NFATC1: variants seen among roughly 807,000 people sequenced by gnomAD.
NFATC1 encodes nuclear factor of activated T-cells, cytoplasmic 1.
In NFATC1, 22 loss-of-function variants were observed where a neutral mutation model predicts 76.0. The ratio of observed to expected loss-of-function variants is 0.29; its 90% CI spans 0.21 to 0.41. The LOEUF (loss-of-function observed/expected upper bound fraction) is 0.41, where lower values mean the gene tolerates loss of function less well. Among genes scored for constraint, NFATC1 ranks in the 10% least tolerant of loss-of-function variants. The pLI, the probability that NFATC1 is intolerant of heterozygous loss-of-function variation, is 1.00. For missense variants in NFATC1, 1,357 were observed against 1,337.7 expected (o/e 1.01, Z -0.23); for synonymous variants, 704 against 613.1 (o/e 1.15, Z -2.19).
chr18:79,411,622 T>C (rs1239381872), intron 2 of NFATC1, 121 bp downstream of exon 2: 16 of 811,336 alleles, frequency 2.0e-5, no homozygotes, highest in Non-Finnish European at 2.5e-5. Flanking sequence ...AGTCAGGACC[T>C]GGGTGGGCAG....
At chr18:79,469,913 G>A in intron 8 of NFATC1, 1 of 985,486 alleles carries the variant, frequency 1.0e-6, no homozygotes, top group Non-Finnish European at 1.2e-6. Flanking sequence ...CTCAGGCAGA[G>A]CCCCCAGGCT....
chr18:79,431,721 T>C (rs929639265), intron 2 of NFATC1, among the ~76,000 whole-genome samples: 17 of 151,974 alleles, frequency 1.1e-4, no homozygotes, highest in African/African-American at 3.9e-4. Flanking sequence ...TGTTTTTTTT[T>C]AGATGGAGTC....
intron 2 of NFATC1, among the ~76,000 whole-genome samples, chr18:79,425,179 C>CTCTGTGTCTG (rs1555902933): frequency 2.1e-5 from 3 of 143,144 alleles, no homozygotes; most frequent in Non-Finnish European, 4.6e-5. Context: ...CCATCTGTCT[C>CTCTGTGTCTG]TCTGTCTCTG....
chr18:79,463,755 CT>C (rs1568993226), intron 7 of NFATC1, among the ~76,000 whole-genome samples: 1 of 152,128 alleles, frequency 6.6e-6, no homozygotes. Flanking sequence ...TGGCCTCGTG[CT>C]GCCTACCCTC....
intron 1 of NFATC1, among the ~76,000 whole-genome samples, chr18:79,405,952 A>AACGTCAAGGGCT (rs1407893270): frequency 6.6e-6 from 1 of 152,036 alleles, no homozygotes; most frequent in African/African-American, 2.4e-5. Context: ...CCGTCACAGA[A>AACGTCAAGGGCT]ACGTCAAGGG....
At chr18:79,515,518 G>A (rs780913547) in intron 9 of NFATC1, among the ~76,000 whole-genome samples, 17 of 152,028 alleles carry the variant, frequency 1.1e-4, no homozygotes, top group Non-Finnish European at 2.4e-4. Flanking sequence ...CAGCCTGGCC[G>A]GGGACCAGGG....
rs554066200 is a variant in NFATC1 at position 79,436,575 on chromosome 18, C to G, written c.1386+2837C>G. Among the ~76,000 whole-genome samples the G allele has an allele frequency of 4.3e-3, 659 of 152,346 alleles. 4 individuals are homozygous for G. The highest frequency in any genetic ancestry group is 0.015 in the African/African-American group (634 of 41,586). ...CCCACGCCCGCTGTCTCCGTCCTCCCCATCCCCATGTGTTTCGCAGTTGGG... is the reference window on the plus strand; with the variant it reads ...CCCACGCCCGCTGTCTCCGTCCTCCGCATCCCCATGTGTTTCGCAGTTGGG... On this transcript the variant is annotated intron_variant, in intron 3 of 9. Coordinates refer to ENST00000427363, the MANE Select transcript of NFATC1 (RefSeq NM_001278669.2).
In NFATC1 at chr18:79,411,163, C is replaced by G; in HGVS notation, c.888C>G (p.Thr296=). 6.2e-7 allele frequency: 1 copy of G among 1,612,294 alleles called. No individual in the cohort carries two copies. The highest frequency in any genetic ancestry group is 1.6e-4 in the Middle Eastern group (1 of 6,062). The change falls in exon 2 of 10, where the codon ACC becomes ACG. Residue 296 remains threonine (T), a synonymous_variant. Transcript: ENST00000427363. ...SPHGSPRVSV[T]DDSWLGNTTQ... ...ACGGCTCCCCGCGGGTCAGCGTGAC[C>G]GACGACTCGTGGTTGGGCAACACCA... is the stretch of plus-strand genomic sequence containing the variant.
At chr18:79,506,078 G>A (rs1426204997) in intron 9 of NFATC1, among the ~76,000 whole-genome samples, 1 of 152,178 alleles carries the variant, frequency 6.6e-6, no homozygotes. Flanking sequence ...TGTGTGTTTA[G>A]GGAGGGGCTG....
At chr18:79,451,405 C>T (rs2087467736) in intron 5 of NFATC1, among the ~76,000 whole-genome samples, 1 of 152,252 alleles carries the variant, frequency 6.6e-6, no homozygotes, top group Admixed American at 6.5e-5. Flanking sequence ...CTGACCTTTG[C>T]GTATTTGTGC....
At chr18:79,408,285 A>C (rs996509436) in intron 1 of NFATC1, among the ~76,000 whole-genome samples, 1 of 152,208 alleles carries the variant, frequency 6.6e-6, no homozygotes, top group Non-Finnish European at 1.5e-5. Context: ...TTGCACCAGG[A>C]GATGAATATA....
In NFATC1 at chr18:79,524,625, G is replaced by A. The variant is rs1318957190; in HGVS notation, c.2783-2903G>A. Among the ~76,000 whole-genome samples, 1 of 152,128 alleles carries A rather than the reference G, an allele frequency of 6.6e-6. No individual in the cohort carries two copies. The highest frequency in any genetic ancestry group is 1.5e-5 in the Non-Finnish European group (1 of 68,004). On this transcript the variant is annotated intron_variant, in intron 9 of 9. Transcript: ENST00000427363. This position sits in a 1 kb window ranked among gnomAD's most constrained non-coding sequence, Gnocchi z 7.2. ...GGTGCAGGCTGCCGCTGGCTCCTTA[G>A]GCCTCGACAGCTCTCTTGAGGTCGG...
At chr18:79,429,760 A>G (rs772932874) in intron 2 of NFATC1, among the ~76,000 whole-genome samples, 4 of 152,226 alleles carry the variant, frequency 2.6e-5, no homozygotes, top group Non-Finnish European at 5.9e-5. Context: ...CTGGATTATG[A>G]TATTTATTTT....
intron 6 of NFATC1, among the ~76,000 whole-genome samples, chr18:79,453,344 G>A (rs984933783): frequency 3.9e-5 from 6 of 152,230 alleles, no homozygotes; most frequent in African/African-American, 9.6e-5. Context: ...AATGCAGTCC[G>A]CAGAGGTGCC....
Position 79,426,886 on chromosome 18 carries a change from C to G in NFATC1, c.1227-6693C>G, listed in dbSNP as rs545298364. Among the ~76,000 whole-genome samples the G allele has an allele frequency of 3.1e-4, 48 of 152,392 alleles. 1 individual carries two copies. Among genetic ancestry groups the G allele is most frequent in the African/African-American group, 1.1e-3 (47 of 41,598 alleles). On this transcript the variant is annotated intron_variant, in intron 2 of 9. Coordinates refer to ENST00000427363, the MANE Select transcript of NFATC1 (RefSeq NM_001278669.2). ...AGGAGGAGGATCCTGCCGGGAGCGC[C>G]TTGCATTTTGCCTAGGACCTTCTTA...
At chr18:79,468,037 T>A in intron 8 of NFATC1, 1 of 976,130 alleles carries the variant, frequency 1.0e-6, no homozygotes, top group Non-Finnish European at 1.2e-6. Context: ...GTGAATGAGC[T>A]TTGTGCTGGG....
intron 2 of NFATC1, chr18:79,422,282 T>TAA (rs1300869283): frequency 5.2e-5 from 8 of 152,458 alleles, no homozygotes; most frequent in African/African-American, 1.9e-4. Flanking sequence ...TTTTGTTTTA[T>TAA]AAGCCATCCA....
At position 79,396,367 on chromosome 18, in the gene NFATC1, C is replaced by A; in HGVS notation, c.127+16C>A. ...GCGGAGGAAGGTAAGCCCCGCGCGGCCTCCGCCCCCGGACCCCTGCGCCCC... is the reference window on the plus strand; with the variant it reads ...GCGGAGGAAGGTAAGCCCCGCGCGGACTCCGCCCCCGGACCCCTGCGCCCC... On this transcript the variant is annotated intron_variant, in intron 1 of 9. Transcript: ENST00000427363. The A allele has an allele frequency of 7.7e-7, 1 of 1,302,168 alleles. No individual in the cohort carries two copies. Among genetic ancestry groups the A allele is most frequent in the Non-Finnish European group, 9.9e-7 (1 of 1,010,090 alleles). 80.7% of individuals were successfully genotyped at this position (1,302,168 alleles called of 1,614,324 possible). A position where few individuals can be genotyped will look rare whatever the true frequency, so the allele number is the denominator to read the frequency against.
At position 79,467,576 on chromosome 18, in the gene NFATC1, G is replaced by T. The variant is rs542259595; in HGVS notation, c.2086G>T (p.Ala696Ser). 15 of 1,613,876 alleles carry T rather than the reference G, an allele frequency of 9.3e-6. No individual in the cohort carries two copies. The South Asian group carries it at 1.5e-4, about 17-fold the overall frequency. ...SQYQRFTYLP[A>S]NVPIIKTEPT... ...GTACCAGCGTTTCACCTACCTTCCC[G>T]CCAACGGTAACGCCATCTTTCTAAC... The change falls in exon 8 of 10, where the codon GCC becomes TCC. Residue 696 changes from alanine to serine, a missense_variant. By Grantham distance (99) the Ala-to-Ser change is moderately conservative. Coordinates refer to ENST00000427363, the MANE Select transcript of NFATC1 (RefSeq NM_001278669.2).
Sources: gnomAD v4.1 joint callset for allele counts (sites outside exome capture counted in the v4.1 genomes callset) on GRCh38, gnomAD v4.1.1 for gene constraint, Gnocchi (gnomAD v3.1) non-coding constraint, MANE v1.5 for transcripts, NCBI Gene and HGNC (gene_info 2026-07-23, HGNC 2026-07-21) for gene names.